The following PTK2 variants were observed in gnomAD, a reference collection of about 807,000 sequenced individuals.
PTK2 encodes focal adhesion kinase 1.
A neutral mutation model predicts 150.1 loss-of-function variants in PTK2; 45 were observed. The observed-to-expected ratio is 0.30, with a 90% confidence interval of 0.24 to 0.38. The LOEUF (loss-of-function observed/expected upper bound fraction) is 0.38. Ranked by LOEUF, PTK2 falls within the 10% of genes least tolerant of loss-of-function variation. PTK2 has a pLI of 1.00. For missense variants in PTK2, 919 were observed against 1,307.3 expected (o/e 0.70, Z 4.58); for synonymous variants, 432 against 449.2 (o/e 0.96, Z 0.48).
intron 1 of PTK2, among the ~76,000 whole-genome samples, chr8:140,955,842 G>A (rs1445695809): frequency 1.3e-5 from 2 of 152,178 alleles, no homozygotes; most frequent in Non-Finnish European, 2.9e-5. Context: ...GGGTAAAGAA[G>A]GTGGAGGCAT....
chr8:140,681,919 T>C (rs573055939), intron 27 of PTK2, among the ~76,000 whole-genome samples: 1 of 152,340 alleles, frequency 6.6e-6, no homozygotes, highest in South Asian at 2.1e-4. Context: ...GGCGATGACC[T>C]TAAGCAGTAG....
chr8:140,808,503 C>A (rs2100099431), intron 10 of PTK2, among the ~76,000 whole-genome samples: 1 of 152,116 alleles, frequency 6.6e-6, no homozygotes, highest in Non-Finnish European at 1.5e-5. Flanking sequence ...TTTCAAGGAA[C>A]ATTTATAAAA....
chr8:140,685,924 CACAT>C (rs1327104127), intron 27 of PTK2, among the ~76,000 whole-genome samples: 1 of 152,204 alleles, frequency 6.6e-6, no homozygotes, highest in African/African-American at 2.4e-5. Flanking sequence ...ACCATAAAGA[CACAT>C]GCATGCTTAT....
intron 8 of PTK2, among the ~76,000 whole-genome samples, chr8:140,819,553 T>C (rs1209821661): frequency 2.6e-5 from 4 of 152,260 alleles, no homozygotes; most frequent in Admixed American, 1.3e-4. Context: ...CCTGGTTACG[T>C]AAACTATGGT....
intron 5 of PTK2, among the ~76,000 whole-genome samples, chr8:140,856,514 C>G (rs1395040994): frequency 2.0e-5 from 3 of 152,072 alleles, no homozygotes; most frequent in Admixed American, 2.0e-4. Context: ...AGAAAAGAAA[C>G]TTCACATAAA....
At chr8:140,989,151 G>A (rs995161787) in intron 1 of PTK2, among the ~76,000 whole-genome samples, 2 of 148,820 alleles carry the variant, frequency 1.3e-5, no homozygotes, top group African/African-American at 5.0e-5. Flanking sequence ...GCAAAGGCGG[G>A]AGGACTGGTT....
intron 2 of PTK2, chr8:140,892,606 C>A: frequency 2.2e-6 from 1 of 459,450 alleles, no homozygotes. Flanking sequence ...TAAATAATAC[C>A]TTTTTCATCC....
chr8:140,910,673 T>C (rs537705272), intron 2 of PTK2, among the ~76,000 whole-genome samples: 137 of 152,236 alleles, frequency 9.0e-4, no homozygotes, highest in Non-Finnish European at 1.5e-3. Context: ...ATTTTCCTAC[T>C]CTAAATCATC....
chr8:140,660,196 G>A (rs2077440996), intron 31 of PTK2, among the ~76,000 whole-genome samples: 1 of 152,214 alleles, frequency 6.6e-6, no homozygotes, highest in Middle Eastern at 3.4e-3. Context: ...TCAGTGACTG[G>A]CAGGGCTTTT....
chr8:140,762,260 C>G, intron 15 of PTK2, 108 bp downstream of exon 18: 1 of 514,336 alleles, frequency 1.9e-6, no homozygotes, highest in Non-Finnish European at 2.6e-6. Flanking sequence ...ATAAGTAAAC[C>G]AATGACAAAT....
chr8:140,958,174 G>T (rs554315580), intron 1 of PTK2, among the ~76,000 whole-genome samples: 1 of 152,118 alleles, frequency 6.6e-6, no homozygotes, highest in Non-Finnish European at 1.5e-5. Context: ...GTCTCACTCT[G>T]TCACCCAGGC....
chr8:140,681,801 C>T (rs746340911), intron 27 of PTK2, among the ~76,000 whole-genome samples: 3 of 152,106 alleles, frequency 2.0e-5, no homozygotes, highest in Admixed American at 6.5e-5. Context: ...GGTCCTAAAA[C>T]GTTAGGAAGG....
At chr8:140,713,771 G>GA (rs1229077756) in intron 23 of PTK2, among the ~76,000 whole-genome samples, 17 of 152,116 alleles carry the variant, frequency 1.1e-4, no homozygotes, top group Non-Finnish European at 2.4e-4. Flanking sequence ...ATTATTATAT[G>GA]AAAAAATTGG....
rs770560756 is a variant in PTK2 at position 140,665,024 on chromosome 8, T to G, written c.2866-27A>C. The G allele has an allele frequency of 4.4e-6, 7 of 1,584,972 alleles. No individual in the cohort carries two copies. The African/African-American group carries it at 9.5e-5, about 21-fold the overall frequency. On this transcript the variant is annotated intron_variant, in intron 30 of 31. Coordinates refer to ENST00000522684, the Ensembl canonical transcript of PTK2. The stretch of plus-strand genomic sequence containing the variant: ...TAACAGACAAGAATCACAACCAATA[T>G]TAGAACACACACAAAGGATTTTTAT...
At position 140,846,240 on chromosome 8, in the gene PTK2, A is replaced by T. The variant is rs1212163411; in HGVS notation, c.593+20T>A. 19 of 1,574,744 alleles carry T rather than the reference A, an allele frequency of 1.2e-5. No individual in the cohort carries two copies. In the East Asian group the frequency reaches 4.3e-4, roughly 35 times the overall value. On this transcript the variant is annotated intron_variant, in intron 7 of 31. Transcript: ENST00000522684. Reference sequence around the variant, plus strand: ...TAGTTCTGCATATTTGCAGGTATAGATTGTAAGTACAATACTTACTCTAAT... The same window carrying T: ...TAGTTCTGCATATTTGCAGGTATAGTTTGTAAGTACAATACTTACTCTAAT...
exon 3 of PTK2, chr8:140,890,657 T>C (rs1205464460): frequency 6.2e-7 from 1 of 1,614,170 alleles, no homozygotes; most frequent in South Asian, 1.1e-5. Context: ...CAGGAGAACG[T>C]TCCATACCAG....
intron 9 of PTK2, 84 bp downstream of exon 9, chr8:140,818,796 T>C: frequency 7.0e-7 from 1 of 1,429,254 alleles, no homozygotes. Flanking sequence ...TTAGCATTTT[T>C]TCATCAGAAA....
intron 22 of PTK2, chr8:140,718,005 A>G: frequency 3.2e-6 from 1 of 309,050 alleles, no homozygotes. Flanking sequence ...AAATGTTTGC[A>G]TGCCAAAGTT....
At chr8:140,773,931 A>T (rs1350618083) in intron 14 of PTK2, among the ~76,000 whole-genome samples, 1 of 151,806 alleles carries the variant, frequency 6.6e-6, no homozygotes, top group Non-Finnish European at 1.5e-5. Flanking sequence ...GAAGCCCCAT[A>T]CTCCTGCCTC....
Sources: gnomAD v4.1 joint callset for allele counts (sites outside exome capture counted in the v4.1 genomes callset) on GRCh38, gnomAD v4.1.1 for gene constraint, MANE v1.5 for transcripts, NCBI Gene and HGNC (gene_info 2026-07-23, HGNC 2026-07-21) for gene names.